AGFG1: variants seen among roughly 807,000 people sequenced by gnomAD.
AGFG1 encodes arf-GAP domain and FG repeat-containing protein 1.
AGFG1 carries 10 observed loss-of-function variants against 60.6 expected under a neutral mutation model. That is an observed-to-expected ratio of 0.16 (90% confidence interval 0.10 to 0.28). The LOEUF (loss-of-function observed/expected upper bound fraction) is 0.28. Ranked by LOEUF, AGFG1 falls within the 10% of genes least tolerant of loss-of-function variation. The pLI is 1.00. For missense variants in AGFG1, 537 were observed against 676.5 expected (o/e 0.79, Z 2.29); for synonymous variants, 247 against 242.9 (o/e 1.02, Z -0.16).
intron 5 of AGFG1, among the ~76,000 whole-genome samples, chr2:227,527,809 A>G (rs918234881): frequency 6.6e-6 from 1 of 152,184 alleles, no homozygotes; most frequent in Non-Finnish European, 1.5e-5. Flanking sequence ...TTACTCTTTT[A>G]TTTGTCATAG....
At chr2:227,537,392 T>C (rs1692344932) in intron 10 of AGFG1, among the ~76,000 whole-genome samples, 1 of 152,214 alleles carries the variant, frequency 6.6e-6, no homozygotes. Context: ...TGAGAAGTTT[T>C]TATTTTCCCT....
intron 7 of AGFG1, among the ~76,000 whole-genome samples, chr2:227,534,115 C>A (rs1428932942): frequency 1.3e-5 from 2 of 151,512 alleles, no homozygotes. Context: ...TTACTTCGAA[C>A]AATTTTCCGT....
intron 1 of AGFG1, among the ~76,000 whole-genome samples, chr2:227,475,237 A>G (rs1690245991): frequency 6.6e-6 from 1 of 152,210 alleles, no homozygotes; most frequent in Non-Finnish European, 1.5e-5. Flanking sequence ...TCATTCGAGC[A>G]TGGTTGTCCC....
At chr2:227,514,275 G>A (rs911819829) in intron 2 of AGFG1, among the ~76,000 whole-genome samples, 2 of 152,180 alleles carry the variant, frequency 1.3e-5, no homozygotes, top group South Asian at 2.1e-4. Context: ...ACAGTGGCAC[G>A]ATCTCAGCTC....
intron 2 of AGFG1, among the ~76,000 whole-genome samples, chr2:227,515,584 C>T (rs971387238): frequency 6.6e-6 from 1 of 152,000 alleles, no homozygotes; most frequent in African/African-American, 2.4e-5. Flanking sequence ...ATATAATCAC[C>T]TTTTTCCAAC....
intron 10 of AGFG1, among the ~76,000 whole-genome samples, chr2:227,537,542 C>T (rs1193507886): frequency 1.3e-5 from 2 of 152,034 alleles, no homozygotes; most frequent in Non-Finnish European, 2.9e-5. Context: ...AATATTTTCT[C>T]TTTTGATAAT....
rs145222317 is a variant in AGFG1 at position 227,545,077 on chromosome 2, C to T, written c.1379-6882C>T. Among the ~76,000 whole-genome samples the T allele has an allele frequency of 4.9e-4, 74 of 152,290 alleles. No individual in the cohort carries two copies. In the East Asian group the frequency reaches 0.012, roughly 25 times the overall value. ...TTTTCCAACTTGGTTCCATTCTCCCCGTCACTTTCAGGTATACCAATCAGA... is the reference window on the plus strand; with the variant it reads ...TTTTCCAACTTGGTTCCATTCTCCCTGTCACTTTCAGGTATACCAATCAGA... On this transcript the variant is annotated intron_variant, in intron 10 of 12. Transcript: ENST00000310078.
rs1455583155 is a variant in AGFG1 at position 227,519,968 on chromosome 2, A to G, written c.282A>G (p.Leu94=). The change falls in exon 3 of 13, where the codon CTA becomes CTG. Residue 94 remains leucine (L), a synonymous_variant. Coordinates refer to ENST00000310078, the MANE Select transcript of AGFG1 (RefSeq NM_004504.5). Reference sequence around the variant, plus strand: ...CAAAGGTCTGTAAACAGATTTGGCTAGGATTATTTGATGATAGATCTTCAG... The same window carrying G: ...CAAAGGTCTGTAAACAGATTTGGCTGGGATTATTTGATGATAGATCTTCAG... ...HGNEVCKQIW[L]GLFDDRSSAI... 1.9e-6 allele frequency: 3 copies of G among 1,586,146 alleles called. No individual in the cohort carries two copies. The highest frequency in any genetic ancestry group is 1.7e-6 in the Non-Finnish European group (2 of 1,170,804).
chr2:227,554,342 C>G, intron 12 of AGFG1, 94 bp from the exon 13 acceptor site: 2 of 1,046,992 alleles, frequency 1.9e-6, no homozygotes, highest in Non-Finnish European at 2.8e-6. Flanking sequence ...ACCAAAAAGT[C>G]TAATTAAAAA....
intron 10 of AGFG1, among the ~76,000 whole-genome samples, chr2:227,548,755 G>A (rs1290806080): frequency 6.6e-6 from 1 of 152,138 alleles, no homozygotes; most frequent in African/African-American, 2.4e-5. Context: ...GGCTAACACG[G>A]TGAAACCCCG....
chr2:227,552,105 CAACAGCCCAATGGTAAGATCT>C lies in AGFG1; in HGVS notation c.1530_1537+13del. On this transcript the variant is annotated splice_donor_variant and splice_donor_5th_base_variant and coding_sequence_variant and intron_variant, in exon 11 of 13. Transcript: ENST00000310078. LOFTEE classifies it high-confidence loss of function. ...TTTCCCTCAACAGACAGCTTTTTCT[CAACAGCCCAATGGTAAGATCT>C]AACATTTGGCGAGCTGTAAGTTCAT... 4.3e-6 allele frequency: 7 copies of C among 1,614,168 alleles called. No individual in the cohort carries two copies. The highest frequency in any genetic ancestry group is 5.9e-6 in the Non-Finnish European group (7 of 1,180,022).
intron 10 of AGFG1, among the ~76,000 whole-genome samples, chr2:227,537,203 G>A (rs1044454492): frequency 1.3e-5 from 2 of 152,142 alleles, no homozygotes; most frequent in Non-Finnish European, 2.9e-5. Flanking sequence ...ATTATCTAGT[G>A]TCTGCCCTTT....
At chr2:227,488,253 G>A (rs558370185) in intron 1 of AGFG1, among the ~76,000 whole-genome samples, 51 of 152,134 alleles carry the variant, frequency 3.4e-4, no homozygotes, top group Non-Finnish European at 5.9e-4. Context: ...CCTTCTTTGT[G>A]CATTAATATA....
chr2:227,536,891 T>G lies in AGFG1; in HGVS notation c.1286-10T>G. On this transcript the variant is annotated splice_polypyrimidine_tract_variant and intron_variant, in intron 9 of 12. Coordinates refer to ENST00000310078, the MANE Select transcript of AGFG1 (RefSeq NM_004504.5). ...TAGGATTTTATAGTGTATTTTATAA[T>G]TTTTTAAAGCTACGCCTTCCACAAA... is the stretch of plus-strand genomic sequence containing the variant. The G allele has an allele frequency of 6.2e-7, 1 of 1,608,902 alleles. No homozygotes were observed. The highest frequency in any genetic ancestry group is 8.5e-7 in the Non-Finnish European group (1 of 1,177,602).
intron 12 of AGFG1, 136 bp downstream of exon 12, chr2:227,553,931 T>A (rs1159620449): frequency 1.6e-6 from 1 of 629,358 alleles, no homozygotes; most frequent in Non-Finnish European, 2.7e-6. Context: ...TTGTACAAAT[T>A]GACACAGAGC....
intron 2 of AGFG1, among the ~76,000 whole-genome samples, chr2:227,507,581 C>T (rs1272035454): frequency 1.4e-4 from 16 of 114,444 alleles, no homozygotes; most frequent in Non-Finnish European, 2.1e-4. Context: ...GCAGCCTGGA[C>T]GACAGAGCGA....
intron 2 of AGFG1, among the ~76,000 whole-genome samples, chr2:227,498,479 A>C (rs1691049664): frequency 6.6e-6 from 1 of 152,224 alleles, no homozygotes. Context: ...TTTAAGGGAT[A>C]TTTATTTAGT....
intron 2 of AGFG1, among the ~76,000 whole-genome samples, chr2:227,507,239 C>T (rs1402095261): frequency 9.2e-5 from 14 of 151,848 alleles, no homozygotes; most frequent in Non-Finnish European, 2.9e-5. Context: ...CATGGGTATA[C>T]AGAGTTTTCC....
chr2:227,531,365 A>AT (rs1014576303), intron 6 of AGFG1, among the ~76,000 whole-genome samples, 155 bp downstream of exon 6: 7 of 151,916 alleles, frequency 4.6e-5, no homozygotes, highest in Admixed American at 3.9e-4. Context: ...TGAACTCTTT[A>AT]TTTTTTTCTA....
Sources: gnomAD v4.1 joint callset for allele counts (sites outside exome capture counted in the v4.1 genomes callset) on GRCh38, gnomAD v4.1.1 for gene constraint, MANE v1.5 for transcripts, NCBI Gene and HGNC (gene_info 2026-07-23, HGNC 2026-07-21) for gene names.